SRBD1: variants seen among roughly 807,000 people sequenced by gnomAD.
The protein encoded by SRBD1 is S1 RNA binding domain 1.
A neutral mutation model predicts 115.3 loss-of-function variants in SRBD1; 88 were observed. The ratio of observed to expected loss-of-function variants is 0.76; its 90% CI spans 0.64 to 0.91. The LOEUF is 0.91. Ranked by LOEUF, SRBD1 falls within the 40% of genes least tolerant of loss-of-function variation. The pLI is 0.00. For synonymous variants in SRBD1, 509 were observed against 407.7 expected (o/e 1.25, Z -2.99); for missense variants, 1,385 against 1,177.4 (o/e 1.18, Z -2.58).
chr2:45,506,026 T>G (rs1200352762), intron 14 of SRBD1, among the ~76,000 whole-genome samples: 1 of 152,180 alleles, frequency 6.6e-6, no homozygotes, highest in Admixed American at 6.5e-5. Flanking sequence ...ATAGTATACT[T>G]TGTTGCTCCT....
At chr2:45,414,442 T>C (rs960296944) in intron 18 of SRBD1, among the ~76,000 whole-genome samples, 1 of 143,760 alleles carries the variant, frequency 7.0e-6, no homozygotes, top group African/African-American at 2.7e-5. Flanking sequence ...ATACACTATA[T>C]AGTATATATG....
chr2:45,495,787 T>G (rs1220816093), intron 14 of SRBD1, among the ~76,000 whole-genome samples: 1 of 152,102 alleles, frequency 6.6e-6, no homozygotes, highest in African/African-American at 2.4e-5. Context: ...CTATAAACAT[T>G]CCAGGTTCAC....
intron 14 of SRBD1, among the ~76,000 whole-genome samples, chr2:45,522,902 T>C (rs1302374101): frequency 6.6e-6 from 1 of 152,144 alleles, no homozygotes; most frequent in African/African-American, 2.4e-5. Flanking sequence ...AGTAAGCTAT[T>C]ACTAGTTTTA....
intron 14 of SRBD1, among the ~76,000 whole-genome samples, chr2:45,497,930 A>T (rs1422339251): frequency 2.0e-5 from 3 of 152,134 alleles, no homozygotes; most frequent in Non-Finnish European, 4.4e-5. Flanking sequence ...GCTACTCAGG[A>T]GGCTGAGGCA....
At chr2:45,474,053 G>A (rs569869486) in intron 16 of SRBD1, among the ~76,000 whole-genome samples, 1 of 152,110 alleles carries the variant, frequency 6.6e-6, no homozygotes, top group African/African-American at 2.4e-5. Flanking sequence ...ACTCTATTTA[G>A]TCCAATTATG....
chr2:45,610,877 G>C (rs1558512647), intron 1 of SRBD1, among the ~76,000 whole-genome samples: 1 of 151,466 alleles, frequency 6.6e-6, no homozygotes, highest in Non-Finnish European at 1.5e-5. Context: ...GCAGTGAGCC[G>C]AGATCGCTCC....
intron 16 of SRBD1, among the ~76,000 whole-genome samples, chr2:45,435,447 A>G (rs1042373422): frequency 6.6e-6 from 1 of 152,098 alleles, no homozygotes; most frequent in African/African-American, 2.4e-5. Context: ...AGAGAGAATG[A>G]AGCTCTGAAG....
At chr2:45,540,253 A>G (rs1367944324) in intron 14 of SRBD1, among the ~76,000 whole-genome samples, 2 of 152,058 alleles carry the variant, frequency 1.3e-5, no homozygotes, top group Non-Finnish European at 2.9e-5. Context: ...AGGCAGGAGA[A>G]TCACTTGAAC....
At chr2:45,448,366 AC>A (rs1479188511) in intron 16 of SRBD1, among the ~76,000 whole-genome samples, 3 of 152,220 alleles carry the variant, frequency 2.0e-5, no homozygotes, top group South Asian at 2.1e-4. Flanking sequence ...CAACAAAAAA[AC>A]ATTATGATCA....
At chr2:45,477,853 T>C (rs1669849932) in intron 15 of SRBD1, among the ~76,000 whole-genome samples, 2 of 152,190 alleles carry the variant, frequency 1.3e-5, no homozygotes, top group South Asian at 4.1e-4. Flanking sequence ...CACACCATAG[T>C]TCTAATTACA....
chr2:45,492,223 T>C (rs1670317929), intron 14 of SRBD1, among the ~76,000 whole-genome samples: 1 of 152,238 alleles, frequency 6.6e-6, no homozygotes, highest in African/African-American at 2.4e-5. Flanking sequence ...GATATACGTT[T>C]AAATAACAGA....
intron 19 of SRBD1, among the ~76,000 whole-genome samples, chr2:45,409,113 A>T (rs1435017019): frequency 2.9e-4 from 44 of 152,062 alleles, no homozygotes; most frequent in Non-Finnish European, 1.5e-5. Context: ...AGTCCCAGCT[A>T]CTTGGGGCTG....
chr2:45,602,173 A>G (rs1674115244), intron 2 of SRBD1, 90 bp from the exon 3 acceptor site: 1 of 1,420,552 alleles, frequency 7.0e-7, no homozygotes. Flanking sequence ...AAAAAATGAT[A>G]AAGTAGGAGG....
At chr2:45,553,190 G>A (rs1000597757) in intron 11 of SRBD1, among the ~76,000 whole-genome samples, 53 of 151,950 alleles carry the variant, frequency 3.5e-4, no homozygotes, top group Non-Finnish European at 3.2e-4. Flanking sequence ...CTATTAGTCC[G>A]TTCACATTGC....
At chr2:45,558,386 G>C (rs1672551145) in intron 10 of SRBD1, among the ~76,000 whole-genome samples, 1 of 152,100 alleles carries the variant, frequency 6.6e-6, no homozygotes, top group African/African-American at 2.4e-5. Context: ...AAATTACTGA[G>C]GTTCTCACAA....
chr2:45,418,291 A>T, intron 18 of SRBD1, 74 bp downstream of exon 18: 1 of 1,527,242 alleles, frequency 6.5e-7, no homozygotes, highest in Non-Finnish European at 8.9e-7. Flanking sequence ...ATTTTACACT[A>T]ATCAGTGGTA....
At chr2:45,555,889 C>T (rs1356113609) in intron 10 of SRBD1, among the ~76,000 whole-genome samples, 1 of 152,118 alleles carries the variant, frequency 6.6e-6, no homozygotes, top group Non-Finnish European at 1.5e-5. Context: ...ATGATACTAT[C>T]CATTCTGTGT....
At chr2:45,549,181 C>A (rs1219206280) in intron 12 of SRBD1, 2 of 152,072 alleles carry the variant, frequency 1.3e-5, no homozygotes, top group African/African-American at 4.8e-5. Context: ...TAATCACATT[C>A]AAACTGAGCA....
At chr2:45,536,333 G>A (rs1017790256) in intron 14 of SRBD1, among the ~76,000 whole-genome samples, 6 of 150,618 alleles carry the variant, frequency 4.0e-5, no homozygotes, top group African/African-American at 1.5e-4. Context: ...TTCTTCTAGG[G>A]GAAAAAAACA....
Sources: gnomAD v4.1 joint callset for allele counts (sites outside exome capture counted in the v4.1 genomes callset) on GRCh38, gnomAD v4.1.1 for gene constraint, MANE v1.5 for transcripts, NCBI Gene and HGNC (gene_info 2026-07-23, HGNC 2026-07-21) for gene names.